The following GPC5 variants were observed in gnomAD, a reference collection of about 807,000 sequenced individuals.
GPC5 encodes glypican-5.
In GPC5, 47 loss-of-function variants were observed where a neutral mutation model predicts 53.9. The ratio of observed to expected loss-of-function variants is 0.87; its 90% CI spans 0.69 to 1.11. The LOEUF is 1.11. Among genes scored for constraint, GPC5 ranks in the 50% most tolerant of loss-of-function variants. The pLI is 0.00. For synonymous variants in GPC5, 286 were observed against 263.3 expected (o/e 1.09, Z -0.84); for missense variants, 748 against 713.1 (o/e 1.05, Z -0.56).
intron 7 of GPC5, among the ~76,000 whole-genome samples, chr13:92,720,547 G>T (rs1049432918): frequency 6.6e-6 from 1 of 151,656 alleles, no homozygotes; most frequent in African/African-American, 2.4e-5. Context: ...TTATAATCTC[G>T]GGATTTTGTT....
At chr13:92,618,553 T>G (rs1884772461) in intron 7 of GPC5, among the ~76,000 whole-genome samples, 1 of 152,018 alleles carries the variant, frequency 6.6e-6, no homozygotes. Flanking sequence ...AAGGACATTT[T>G]AATTCTTTCT....
intron 7 of GPC5, among the ~76,000 whole-genome samples, chr13:92,654,892 C>A (rs1594386763): frequency 6.6e-6 from 1 of 152,038 alleles, no homozygotes; most frequent in Admixed American, 6.6e-5. Flanking sequence ...TGCTAAAGAT[C>A]TGAAATCCAA....
chr13:92,316,858 C>A (rs779014238), intron 7 of GPC5, among the ~76,000 whole-genome samples: 1 of 151,888 alleles, frequency 6.6e-6, no homozygotes, highest in Non-Finnish European at 1.5e-5. Flanking sequence ...TCTAATTACC[C>A]AAAATTTTTA....
At chr13:91,808,063 TTATC>T (rs1256305951) in intron 5 of GPC5, among the ~76,000 whole-genome samples, 19 of 152,146 alleles carry the variant, frequency 1.2e-4, no homozygotes, top group Admixed American at 1.2e-3. Flanking sequence ...ATGAACCACA[TTATC>T]TATTACTTCT....
Position 91,568,615 on chromosome 13 carries a change from C to A in GPC5, c.325+119693C>A, listed in dbSNP as rs149237455. Among the ~76,000 whole-genome samples, 359 of 151,094 alleles carry A rather than the reference C, an allele frequency of 2.4e-3. 2 individuals carry two copies. Among genetic ancestry groups the A allele is most frequent in the African/African-American group, 8.4e-3 (344 of 41,194 alleles). On this transcript the variant is annotated intron_variant, in intron 2 of 7. Transcript: ENST00000377067. ...TTTTTTTCTTGTATGAAGACGGGTC[C>A]TTAGAATTTTTCAAATATTTTGTCT...
chr13:92,262,961 T>G (rs970100254), intron 7 of GPC5, among the ~76,000 whole-genome samples: 1 of 152,110 alleles, frequency 6.6e-6, no homozygotes, highest in African/African-American at 2.4e-5. Flanking sequence ...ATCCTACCAT[T>G]TCCATACTCT....
chr13:91,504,012 C>A (rs1297527089), intron 2 of GPC5, among the ~76,000 whole-genome samples: 2 of 151,722 alleles, frequency 1.3e-5, no homozygotes, highest in Non-Finnish European at 2.9e-5. Context: ...TTCAAGATCT[C>A]CAGAACAATT....
chr13:92,478,890 C>T (rs550287219), intron 7 of GPC5, among the ~76,000 whole-genome samples: 174 of 152,186 alleles, frequency 1.1e-3, no homozygotes, highest in African/African-American at 4.0e-3. Context: ...TTTTTTTGTC[C>T]TACGAAAGAG....
chr13:92,381,623 C>T (rs902779158), intron 7 of GPC5, among the ~76,000 whole-genome samples: 2 of 150,564 alleles, frequency 1.3e-5, no homozygotes, highest in Non-Finnish European at 2.9e-5. Flanking sequence ...GTAGAACTAC[C>T]ATTTGATCCG....
At chr13:91,463,472 T>G (rs1882057233) in intron 2 of GPC5, among the ~76,000 whole-genome samples, 2 of 152,096 alleles carry the variant, frequency 1.3e-5, no homozygotes, top group Non-Finnish European at 2.9e-5. Flanking sequence ...TTCTAAAATT[T>G]ATGTGGAAAG....
chr13:91,709,904 C>T (rs2036190193), intron 3 of GPC5, among the ~76,000 whole-genome samples: 1 of 152,188 alleles, frequency 6.6e-6, no homozygotes, highest in Non-Finnish European at 1.5e-5. Flanking sequence ...TTCTTTGTAT[C>T]TGTCTGAAAA....
At chr13:91,514,123 T>C (rs1266256965) in intron 2 of GPC5, among the ~76,000 whole-genome samples, 1 of 152,232 alleles carries the variant, frequency 6.6e-6, no homozygotes, top group Non-Finnish European at 1.5e-5. Flanking sequence ...ATACAGGTTT[T>C]TGCATGAATA....
intron 2 of GPC5, among the ~76,000 whole-genome samples, chr13:91,661,990 G>C (rs1047166405): frequency 1.3e-5 from 2 of 152,152 alleles, no homozygotes; most frequent in Non-Finnish European, 2.9e-5. Context: ...GCACAGTCTA[G>C]ACATGTCTAG....
At chr13:92,121,683 T>A (rs976634682) in intron 6 of GPC5, among the ~76,000 whole-genome samples, 2 of 152,190 alleles carry the variant, frequency 1.3e-5, no homozygotes, top group Admixed American at 6.5e-5. Context: ...GGAGGGTCTC[T>A]TCTTCTTAGC....
chr13:92,305,118 T>C (rs2043102353), intron 7 of GPC5, among the ~76,000 whole-genome samples: 1 of 152,212 alleles, frequency 6.6e-6, no homozygotes, highest in South Asian at 2.1e-4. Flanking sequence ...TCATCTCAAC[T>C]ATTCATACTA....
intron 3 of GPC5, among the ~76,000 whole-genome samples, chr13:91,713,201 G>A (rs1476122233): frequency 1.3e-5 from 2 of 151,002 alleles, no homozygotes; most frequent in East Asian, 4.1e-4. Flanking sequence ...AAATAAATAA[G>A]TAAATAAATA....
intron 6 of GPC5, among the ~76,000 whole-genome samples, chr13:92,113,816 G>T (rs1412404497): frequency 6.7e-6 from 1 of 148,910 alleles, no homozygotes; most frequent in East Asian, 2.0e-4. Flanking sequence ...TAAGTATAAA[G>T]AAGAATTAAC....
chr13:91,812,019 T>C (rs1355260623), intron 5 of GPC5, among the ~76,000 whole-genome samples: 1 of 152,174 alleles, frequency 6.6e-6, no homozygotes, highest in Admixed American at 6.6e-5. Context: ...AAACAAAATA[T>C]ATAGACTATG....
At chr13:92,302,094 T>C (rs1325151638) in intron 7 of GPC5, among the ~76,000 whole-genome samples, 1 of 152,192 alleles carries the variant, frequency 6.6e-6, no homozygotes, top group Non-Finnish European at 1.5e-5. Flanking sequence ...AGATCTACCA[T>C]GTAATGTATA....
Sources: gnomAD v4.1 joint callset for allele counts (sites outside exome capture counted in the v4.1 genomes callset) on GRCh38, gnomAD v4.1.1 for gene constraint, MANE v1.5 for transcripts, NCBI Gene and HGNC (gene_info 2026-07-23, HGNC 2026-07-21) for gene names.